Variants in TMEM132D observed in about 807,000 individuals in gnomAD.
TMEM132D encodes the protein mature OL transmembrane protein.
A neutral mutation model predicts 62.3 loss-of-function variants in TMEM132D; 21 were observed. The ratio of observed to expected loss-of-function variants is 0.34; its 90% confidence interval spans 0.24 to 0.49. TMEM132D has a LOEUF of 0.49. Ranked by LOEUF, TMEM132D falls within the 20% of genes least tolerant of loss-of-function variation. The pLI is 0.99. For missense variants in TMEM132D, 1,346 were observed against 1,402.8 expected, an observed-to-expected ratio of 0.96 and a Z score of 0.65; for synonymous variants, 621 against 575.6, an observed-to-expected ratio of 1.08 and a Z score of -1.13.
At chr12:129,749,370 T>A (rs914366118) in intron 1 of TMEM132D, among the ~76,000 whole-genome samples, 12 of 152,300 alleles carry the variant, frequency 7.9e-5, no homozygotes, top group Admixed American at 6.5e-4. Flanking sequence ...GAAGTAAAAC[T>A]TTCATGAACT....
chr12:129,706,998 A>G (rs1881520698), intron 1 of TMEM132D, among the ~76,000 whole-genome samples: 1 of 151,436 alleles, frequency 6.6e-6, no homozygotes, highest in African/African-American at 2.4e-5. Flanking sequence ...ATTAAACGAA[A>G]TAAAATTGAT....
At chr12:129,803,635 A>G (rs1368359032) in intron 1 of TMEM132D, among the ~76,000 whole-genome samples, 9 of 150,334 alleles carry the variant, frequency 6.0e-5, no homozygotes, top group Admixed American at 2.0e-4. Context: ...AAGAACTAGA[A>G]AAGCAAGAGC....
intron 2 of TMEM132D, among the ~76,000 whole-genome samples, chr12:129,652,190 T>C (rs2137183903): frequency 6.6e-6 from 1 of 152,252 alleles, no homozygotes; most frequent in African/African-American, 2.4e-5. Flanking sequence ...CCCTTCAAGG[T>C]TCTTCCAACG....
chr12:129,239,791 T>C lies in TMEM132D; in HGVS notation c.1300-30128A>G, dbSNP rs528108515. On this transcript the variant is annotated intron_variant, in intron 4 of 8. Coordinates refer to ENST00000422113, the MANE Select transcript of TMEM132D (RefSeq NM_133448.3). ...GACAGAGCATGGTTCTGCTAACACA[T>C]TGATTTCATTCTTCTACCTTGAGAA... Among the ~76,000 whole-genome samples, 12 of 152,292 alleles carry C rather than the reference T, an allele frequency of 7.9e-5. No homozygotes were observed. The South Asian group carries it at 8.3e-4, about 11-fold the overall frequency.
rs1881366696 is a variant in TMEM132D at position 129,700,683 on chromosome 12, C to T, written c.95G>A (p.Gly32Glu). 6.2e-7 allele frequency: 1 copy of T among 1,608,950 alleles called. No individual in the cohort carries two copies. The highest frequency in any genetic ancestry group is 1.3e-5 in the African/African-American group (1 of 74,794). ...ALFSKVTEGR[G>E]ILESIQRFSL... The stretch of plus-strand genomic sequence containing the variant: ...AAACCTCTGGATGCTCTCAAGGATC[C>T]CTCGACCTTCCGTCACTGTGGGGAG... The change falls in exon 2 of 9, where the codon GGG (glycine) becomes GAG (glutamate). Residue 32 changes from glycine to glutamate, a missense_variant. Gly to Glu is a moderately conservative substitution (Grantham distance 98, BLOSUM62 -2). Coordinates refer to ENST00000422113, the MANE Select transcript of TMEM132D (RefSeq NM_133448.3).
At chr12:129,678,647 T>G (rs1009085086) in intron 2 of TMEM132D, among the ~76,000 whole-genome samples, 6 of 152,116 alleles carry the variant, frequency 3.9e-5, no homozygotes, top group African/African-American at 2.4e-5. Context: ...GTAGTCAAAT[T>G]TATTAATTTT....
chr12:129,796,850 C>T (rs1315865901), intron 1 of TMEM132D, among the ~76,000 whole-genome samples: 2 of 152,158 alleles, frequency 1.3e-5, no homozygotes. Context: ...GCACGTTCCG[C>T]ACATGTACCC....
At chr12:129,564,865 G>A (rs144976650) in intron 2 of TMEM132D, among the ~76,000 whole-genome samples, 226 of 152,318 alleles carry the variant, frequency 1.5e-3, no homozygotes, top group African/African-American at 4.2e-3. Flanking sequence ...GGAAGGTAGC[G>A]AAACCCAACT....
chr12:129,247,388 G>A (rs1880151212), intron 4 of TMEM132D, among the ~76,000 whole-genome samples: 1 of 152,132 alleles, frequency 6.6e-6, no homozygotes, highest in South Asian at 2.1e-4. Context: ...GTCCCTCTCT[G>A]GCTTTAGGGA....
At chr12:129,095,031 G>A (rs762138624) in intron 5 of TMEM132D, among the ~76,000 whole-genome samples, 3 of 148,902 alleles carry the variant, frequency 2.0e-5, no homozygotes, top group Admixed American at 6.7e-5. Context: ...AGGGCCTGTC[G>A]TGGGGTCGGG....
At chr12:129,706,236 G>T (rs1026405826) in intron 1 of TMEM132D, among the ~76,000 whole-genome samples, 2 of 151,970 alleles carry the variant, frequency 1.3e-5, no homozygotes, top group East Asian at 1.9e-4. Context: ...GCTATAAATT[G>T]TCTCCAGGAG....
In TMEM132D at chr12:129,444,929, T is replaced by G. The variant is rs78310958; in HGVS notation, c.1115+86130A>C. On this transcript the variant is annotated intron_variant, in intron 3 of 8. Transcript: ENST00000422113. ...TTGTGGAAAACAGTGTGATGATTCC[T>G]CAAAGAACTACAAACAAAACTACTA... is the stretch of plus-strand genomic sequence containing the variant. Among the ~76,000 whole-genome samples, 273 of 152,322 alleles carry G rather than the reference T, an allele frequency of 1.8e-3. 2 individuals are homozygous for G. Among genetic ancestry groups the G allele is most frequent in the African/African-American group, 6.2e-3 (259 of 41,572 alleles).
chr12:129,429,733 C>T (rs183690583), intron 3 of TMEM132D, among the ~76,000 whole-genome samples: 1 of 128,462 alleles, frequency 7.8e-6, no homozygotes, highest in African/African-American at 2.8e-5. Context: ...ATCCCTCCCC[C>T]CTCCCCCGAC....
intron 3 of TMEM132D, among the ~76,000 whole-genome samples, chr12:129,445,580 G>T (rs1593011895): frequency 6.6e-6 from 1 of 152,146 alleles, no homozygotes; most frequent in South Asian, 2.1e-4. Context: ...AGATGAAGGA[G>T]AGAGGTGAAA....
intron 2 of TMEM132D, among the ~76,000 whole-genome samples, chr12:129,545,737 T>C (rs1387057684): frequency 5.3e-5 from 8 of 152,252 alleles, no homozygotes; most frequent in Non-Finnish European, 7.3e-5. Context: ...TGTGGTTTCT[T>C]GCTGTCTTTA....
chr12:129,357,785 G>A (rs1051191252), intron 3 of TMEM132D, among the ~76,000 whole-genome samples: 6 of 152,108 alleles, frequency 3.9e-5, no homozygotes, highest in Admixed American at 3.3e-4. Context: ...GTCAATCTTC[G>A]TCGGCAATGG....
chr12:129,512,631 G>A (rs1265512996), intron 3 of TMEM132D, among the ~76,000 whole-genome samples: 1 of 152,224 alleles, frequency 6.6e-6, no homozygotes, highest in Non-Finnish European at 1.5e-5. Flanking sequence ...ATCATCTGAT[G>A]TTGGCCAGGA....
At chr12:129,596,632 TATAA>T (rs925132319) in intron 2 of TMEM132D, among the ~76,000 whole-genome samples, 7 of 152,226 alleles carry the variant, frequency 4.6e-5, no homozygotes, top group Admixed American at 6.5e-5. Context: ...CTTAATACAA[TATAA>T]ATGTTATATA....
At chr12:129,179,882 G>A (rs1878016750) in intron 5 of TMEM132D, among the ~76,000 whole-genome samples, 1 of 152,050 alleles carries the variant, frequency 6.6e-6, no homozygotes, top group Admixed American at 6.6e-5. Flanking sequence ...ACAAAAATTA[G>A]CCAGGCGTGG....
Sources: allele counts gnomAD v4.1 joint callset (sites outside exome capture counted in the v4.1 genomes callset), GRCh38; gene constraint gnomAD v4.1.1; transcripts MANE v1.5; gene names NCBI Gene and HGNC (gene_info 2026-07-23, HGNC 2026-07-21).